CWF19L2: variants seen among roughly 807,000 people sequenced by gnomAD.
The protein encoded by CWF19L2 is CWF19-like protein 2.
Under a neutral mutation model 111.7 loss-of-function variants are expected in CWF19L2, and 98 were observed. That is an observed-to-expected ratio of 0.88 (90% CI 0.75 to 1.04). The LOEUF (loss-of-function observed/expected upper bound fraction) is 1.04, where lower values mean the gene tolerates loss of function less well. Ranked by LOEUF, CWF19L2 falls within the 50% of genes least tolerant of loss-of-function variation. The probability of loss-of-function intolerance (pLI) is 0.00; values close to 1 mark genes in which losing one functional copy is unlikely to be tolerated. For synonymous variants in CWF19L2, 351 were observed against 342.9 expected, an observed-to-expected ratio of 1.02 and a Z score of -0.26; for missense variants, 1,101 against 1,051.4, an observed-to-expected ratio of 1.05 and a Z score of -0.65.
At chr11:107,391,043 T>G (rs1860839413) in intron 11 of CWF19L2, among the ~76,000 whole-genome samples, 1 of 152,150 alleles carries the variant, frequency 6.6e-6, no homozygotes, top group Admixed American at 6.6e-5. Context: ...ATTCTTGGAC[T>G]TACACCAGTG....
intron 12 of CWF19L2, among the ~76,000 whole-genome samples, chr11:107,356,156 A>G (rs1314208194): frequency 2.6e-5 from 4 of 152,168 alleles, no homozygotes; most frequent in East Asian, 3.8e-4. Context: ...AACAACAACA[A>G]AAAAAGACAA....
At chr11:107,440,595 CAAA>C (rs1861607427) in intron 5 of CWF19L2, among the ~76,000 whole-genome samples, 1 of 151,792 alleles carries the variant, frequency 6.6e-6, no homozygotes, top group Non-Finnish European at 1.5e-5. Flanking sequence ...CTCAACAGGA[CAAA>C]AAAGGCTAGA....
intron 10 of CWF19L2, among the ~76,000 whole-genome samples, chr11:107,411,102 C>T (rs1861151885): frequency 6.6e-6 from 1 of 151,322 alleles, no homozygotes. Context: ...CACACACACA[C>T]ACACACACAC....
intron 8 of CWF19L2, among the ~76,000 whole-genome samples, chr11:107,428,402 C>G (rs1861410675): frequency 6.6e-6 from 1 of 152,012 alleles, no homozygotes; most frequent in Admixed American, 6.6e-5. Flanking sequence ...GTCTCCTAGA[C>G]TTCCTATAGA....
chr11:107,362,145 A>C (rs1326192942), intron 12 of CWF19L2, among the ~76,000 whole-genome samples: 2 of 152,090 alleles, frequency 1.3e-5, no homozygotes, highest in African/African-American at 4.8e-5. Flanking sequence ...CTACGAGATT[A>C]TATCCCGCAC....
At chr11:107,405,116 A>C (rs1490770157) in intron 10 of CWF19L2, among the ~76,000 whole-genome samples, 3 of 152,224 alleles carry the variant, frequency 2.0e-5, no homozygotes, top group African/African-American at 7.2e-5. Flanking sequence ...GGCTGGGGGA[A>C]ATCAAAACAA....
At position 107,369,214 on chromosome 11, in the gene CWF19L2, A is replaced by G. The variant is rs1039750613; in HGVS notation, c.1873-15478T>C. 3.6e-5 allele frequency among the ~76,000 whole-genome samples: 5 copies of G among 138,034 alleles called. No homozygotes were observed. In the East Asian group the frequency reaches 1.0e-3, roughly 29 times the overall value. 90.6% of individuals were successfully genotyped at this position (138,034 alleles called of 152,430 possible). ...TGTGCTCTCTATAAAGTCTGTTGTC[A>G]GTTCTTACTGCCATAAGCTCCTTGT... On this transcript the variant is annotated intron_variant, in intron 12 of 17. Transcript: ENST00000282251.
intron 12 of CWF19L2, among the ~76,000 whole-genome samples, chr11:107,384,768 G>A (rs934243908): frequency 2.0e-5 from 3 of 152,042 alleles, no homozygotes; most frequent in African/African-American, 4.8e-5. Flanking sequence ...TTACTGTCTG[G>A]CCCTTTACAA....
At chr11:107,416,075 C>T (rs575452318) in intron 10 of CWF19L2, 134 bp downstream of exon 10, 11 of 212,182 alleles carry the variant, frequency 5.2e-5, no homozygotes, top group East Asian at 2.1e-4. Flanking sequence ...GCAGCCTGGG[C>T]GACAGAGCAA....
intron 7 of CWF19L2, among the ~76,000 whole-genome samples, chr11:107,433,294 G>T (rs1057116110): frequency 5.3e-5 from 8 of 151,902 alleles, no homozygotes; most frequent in Non-Finnish European, 1.2e-4. Flanking sequence ...CCAAACTCTA[G>T]AATATACCTA....
At chr11:107,345,137 A>AATATACAAATTTGCT (rs1238420792) in intron 14 of CWF19L2, among the ~76,000 whole-genome samples, 1 of 152,188 alleles carries the variant, frequency 6.6e-6, no homozygotes, top group African/African-American at 2.4e-5. Flanking sequence ...GAAATAGGAA[A>AATATACAAATTTGCT]ATATACAAAT....
intron 8 of CWF19L2, among the ~76,000 whole-genome samples, chr11:107,423,153 T>C (rs1329527410): frequency 6.6e-6 from 1 of 151,970 alleles, no homozygotes; most frequent in East Asian, 1.9e-4. Flanking sequence ...TATTTTTCAG[T>C]ACTTTTTCAA....
At chr11:107,402,567 A>C (rs1341682062) in intron 10 of CWF19L2, among the ~76,000 whole-genome samples, 1 of 152,090 alleles carries the variant, frequency 6.6e-6, no homozygotes, top group Non-Finnish European at 1.5e-5. Context: ...CATAATCAAA[A>C]AATCGAAAAA....
intron 12 of CWF19L2, among the ~76,000 whole-genome samples, chr11:107,362,066 C>G (rs975905182): frequency 6.6e-6 from 1 of 152,088 alleles, no homozygotes; most frequent in African/African-American, 2.4e-5. Flanking sequence ...GGGTGACGGA[C>G]GCACCTGGAA....
chr11:107,367,834 A>G lies in CWF19L2; in HGVS notation c.1873-14098T>C, dbSNP rs1860454328. ...CTAAAACTTAAAGTATAAAACAAAA[A>G]AAAAAGAAATGCTACTGATTTTTGT... On this transcript the variant is annotated intron_variant, in intron 12 of 17. Transcript: ENST00000282251. Among the ~76,000 whole-genome samples, 2 of 137,358 alleles carry G rather than the reference A, an allele frequency of 1.5e-5. 1 individual carries two copies. The highest frequency in any genetic ancestry group is 3.1e-5 in the Non-Finnish European group (2 of 64,108). 90.1% of individuals were successfully genotyped at this position (137,358 alleles called of 152,430 possible).
intron 14 of CWF19L2, among the ~76,000 whole-genome samples, chr11:107,340,008 G>T (rs1859983816): frequency 6.6e-6 from 1 of 151,946 alleles, no homozygotes; most frequent in South Asian, 2.1e-4. Flanking sequence ...TGACATTCTA[G>T]ATATAAAAAT....
chr11:107,444,118 G>A (rs1159416757), intron 3 of CWF19L2, among the ~76,000 whole-genome samples: 1 of 149,426 alleles, frequency 6.7e-6, no homozygotes, highest in African/African-American at 2.5e-5. Flanking sequence ...TTTTTAAGGA[G>A]GGAAGGGGGA....
At chr11:107,425,468 A>C (rs182419615) in intron 8 of CWF19L2, among the ~76,000 whole-genome samples, 1 of 152,062 alleles carries the variant, frequency 6.6e-6, no homozygotes, top group Non-Finnish European at 1.5e-5. Context: ...TCTACTTTGC[A>C]GCCTAGAGGC....
chr11:107,442,819 GGGGAGGGAGGGAGAGAGGGACAGAGA>G lies in CWF19L2; in HGVS notation c.450+94_450+119del. ...GGGAGGGAGGGAGGGAGGGAGGGAG[GGGGAGGGAGGGAGAGAGGGACAGAGA>G]GGGAGGGAGGGATAGAGAGGGAAGG... is the stretch of plus-strand genomic sequence containing the variant. On this transcript the variant is annotated intron_variant, in intron 4 of 17. Coordinates refer to ENST00000282251, the MANE Select transcript of CWF19L2 (RefSeq NM_152434.3). The G allele has an allele frequency of 8.7e-6, 3 of 344,806 alleles. No individual in the cohort carries two copies. The East Asian group carries it at 1.1e-4, about 13-fold the overall frequency. 21.4% of individuals were successfully genotyped at this position (344,806 alleles called of 1,614,324 possible).
Sources: allele counts gnomAD v4.1 joint callset (sites outside exome capture counted in the v4.1 genomes callset), GRCh38; gene constraint gnomAD v4.1.1; transcripts MANE v1.5; gene names NCBI Gene and HGNC (gene_info 2026-07-23, HGNC 2026-07-21).